Variants in AKT2 observed in about 807,000 individuals in gnomAD.
AKT2 encodes RAC-beta serine/threonine-protein kinase.
Under a neutral mutation model 58.6 loss-of-function variants are expected in AKT2, and 16 were observed. The ratio of observed to expected loss-of-function variants is 0.27; its 90% confidence interval spans 0.18 to 0.41. The LOEUF is 0.41. AKT2 is among the 10% of genes least tolerant of loss of function. The probability of loss-of-function intolerance (pLI) is 1.00; values close to 1 mark genes in which losing one functional copy is unlikely to be tolerated. For missense variants in AKT2, 438 were observed against 661.0 expected (o/e 0.66, Z 3.70); for synonymous variants, 253 against 254.0 (o/e 1.00, Z 0.04).
At chr19:40,275,775 G>T (rs1374695117) in intron 1 of AKT2, among the ~76,000 whole-genome samples, 1 of 95,880 alleles carries the variant, frequency 1.0e-5, no homozygotes, top group Non-Finnish European at 2.3e-5. Flanking sequence ...GGGGGGGGGG[G>T]GGGTGGGCGG....
At chr19:40,250,338 T>A (rs1400425728) in intron 4 of AKT2, among the ~76,000 whole-genome samples, 2 of 151,404 alleles carry the variant, frequency 1.3e-5, no homozygotes, top group Non-Finnish European at 2.9e-5. Context: ...ACCCCATCTC[T>A]ACTAAAAATA....
chr19:40,245,840 C>A (rs1300074733), intron 4 of AKT2, among the ~76,000 whole-genome samples: 3 of 152,190 alleles, frequency 2.0e-5, no homozygotes, highest in Admixed American at 2.0e-4. Flanking sequence ...TCAGTAGATA[C>A]TTGGGTAATG....
chr19:40,271,047 C>A (rs569708630), intron 1 of AKT2, among the ~76,000 whole-genome samples: 16 of 147,896 alleles, frequency 1.1e-4, no homozygotes, highest in East Asian at 8.0e-4. Context: ...AACAAACAAA[C>A]AAAAAAAGCT....
At chr19:40,277,239 A>G (rs1359495909) in intron 1 of AKT2, among the ~76,000 whole-genome samples, 1 of 152,178 alleles carries the variant, frequency 6.6e-6, no homozygotes. Flanking sequence ...TTGGTTCTAA[A>G]GGAATCATCC....
In AKT2 at chr19:40,273,041, G is replaced by GT. The variant is rs201022964; in HGVS notation, c.-84-7691dup. 5.8e-3 allele frequency among the ~76,000 whole-genome samples: 882 copies of GT among 152,248 alleles called. 11 individuals carry two copies. The highest frequency in any genetic ancestry group is 0.02 in the African/African-American group (835 of 41,548). On this transcript the variant is annotated intron_variant, in intron 1 of 13. Coordinates refer to ENST00000392038, the MANE Select transcript of AKT2 (RefSeq NM_001626.6). ...GCCTGTAAGAGCAACTGCTCAACACGTATCAAATATTATCATCACTGGCCA... is the reference window on the plus strand; with the variant it reads ...GCCTGTAAGAGCAACTGCTCAACACGTTATCAAATATTATCATCACTGGCCA...
chr19:40,253,254 T>C (rs1975296212), intron 4 of AKT2, among the ~76,000 whole-genome samples: 1 of 152,212 alleles, frequency 6.6e-6, no homozygotes, highest in African/African-American at 2.4e-5. Flanking sequence ...GGAAGTTTTC[T>C]TGGACGGCAT....
At position 40,235,224 on chromosome 19, in the gene AKT2, G is replaced by A; in HGVS notation, c.1263+39C>T. ...ACCAAGGTCACCACGAGTGGGCCAG[G>A]TCCCTGAGGGTCCTGCTGGGGCAAG... On this transcript the variant is annotated intron_variant, in intron 12 of 13. Coordinates refer to ENST00000392038, the MANE Select transcript of AKT2 (RefSeq NM_001626.6). The surrounding 1 kb of genome is among the most constrained non-coding windows in gnomAD (Gnocchi z 6.3). The A allele has an allele frequency of 1.2e-6, 2 of 1,613,780 alleles. No homozygotes were observed. Among genetic ancestry groups the A allele is most frequent in the Non-Finnish European group, 1.7e-6 (2 of 1,179,742 alleles).
intron 4 of AKT2, among the ~76,000 whole-genome samples, chr19:40,251,785 C>G (rs911909431): frequency 2.0e-5 from 3 of 152,170 alleles, no homozygotes; most frequent in African/African-American, 7.2e-5. Flanking sequence ...TCAGGCGTGA[C>G]AGCATCATGA....
chr19:40,275,451 A>C (rs1396854119), intron 1 of AKT2: 1 of 386,360 alleles, frequency 2.6e-6, no homozygotes, highest in Non-Finnish European at 5.3e-6. Flanking sequence ...GGCATGGATT[A>C]ATGTTCATCT....
intron 1 of AKT2, among the ~76,000 whole-genome samples, chr19:40,267,534 G>A (rs1053225859): frequency 6.6e-6 from 1 of 152,144 alleles, no homozygotes; most frequent in Non-Finnish European, 1.5e-5. Flanking sequence ...CCACCTCAGA[G>A]GCTGCACTGT....
At chr19:40,241,488 T>A (rs1245407454) in intron 6 of AKT2, 1 of 267,028 alleles carries the variant, frequency 3.7e-6, no homozygotes, top group African/African-American at 2.2e-5. Context: ...AATGGCTACA[T>A]GGGGGTCCGT....
rs569606025 is a variant in AKT2 at position 40,233,561 on chromosome 19, G to A, written c.*311C>T. 119 of 671,856 alleles carry A rather than the reference G, an allele frequency of 1.8e-4. No individual in the cohort carries two copies. The highest frequency in any genetic ancestry group is 1.4e-3 in the East Asian group (47 of 34,098). The allele number at this position is 671,856 out of a possible 1,614,324, so 41.6% of individuals were successfully genotyped here. ...CCAGAAACTCAGGCAGGCCCCAGGC[G>A]CCATGCTTCACCCCTCACTGGGGCT... On this transcript the variant is annotated 3_prime_UTR_variant, in exon 14 of 14. Transcript: ENST00000392038. This position sits in a 1 kb window ranked among gnomAD's most constrained non-coding sequence, Gnocchi z 4.3.
At position 40,232,680 on chromosome 19, in the gene AKT2, CCA is replaced by C. The variant is rs902067185; in HGVS notation, c.*1190_*1191del. On this transcript the variant is annotated 3_prime_UTR_variant, in exon 14 of 14. Transcript: ENST00000392038. Reference sequence around the variant, plus strand: ...CTCGGGCCAGGGATGGGGCCCAAGCCCACACACCATGCACACTGGAGGACACG... The same window carrying C: ...CTCGGGCCAGGGATGGGGCCCAAGCCCACACCATGCACACTGGAGGACACG... The C allele has an allele frequency of 2.6e-5, 6 of 233,436 alleles. No homozygotes were observed. Among genetic ancestry groups the C allele is most frequent in the African/African-American group, 1.3e-4 (6 of 45,334 alleles). 14.5% of individuals were successfully genotyped at this position (233,436 alleles called of 1,614,324 possible).
At chr19:40,276,385 G>T (rs1362688783) in intron 1 of AKT2, among the ~76,000 whole-genome samples, 36 of 50,694 alleles carry the variant, frequency 7.1e-4, no homozygotes, top group Non-Finnish European at 1.0e-3. Context: ...TTTTTTTTTT[G>T]AGACAGAGTC....
At chr19:40,255,361 G>T in intron 3 of AKT2, 92 bp from the exon 4 acceptor site, 1 of 1,003,054 alleles carries the variant, frequency 1.0e-6, no homozygotes, top group Non-Finnish European at 1.6e-6. Flanking sequence ...CACAGGCCTA[G>T]CCCCATGCTA....
At chr19:40,263,718 T>C (rs989224925) in intron 2 of AKT2, among the ~76,000 whole-genome samples, 1 of 152,166 alleles carries the variant, frequency 6.6e-6, no homozygotes, top group Admixed American at 6.5e-5. Context: ...CGTCCATCCC[T>C]CATCGCTGCT....
At chr19:40,279,652 C>CAA (rs5828063) in intron 1 of AKT2, 50,540 of 113,354 alleles carry the variant, frequency 0.45, 10,916 homozygotes, top group South Asian at 0.63. Context: ...GAACACACCT[C>CAA]AAAAAAAAAA....
chr19:40,271,638 G>A (rs905086448), intron 1 of AKT2, among the ~76,000 whole-genome samples: 1 of 152,160 alleles, frequency 6.6e-6, no homozygotes, highest in African/African-American at 2.4e-5. Context: ...AGTGGAAAAT[G>A]TACATGTGCT....
Position 40,235,449 on chromosome 19 carries a change from C to A in AKT2, c.1176-99G>T. The A allele has an allele frequency of 9.5e-7, 1 of 1,055,384 alleles. No homozygotes were observed. The highest frequency in any genetic ancestry group is 1.3e-5 in the South Asian group (1 of 77,950). The allele number at this position is 1,055,384 out of a possible 1,614,324, so 65.4% of individuals were successfully genotyped here. ...AGGCCCTGTATGGCCCTTAATGATT[C>A]TGTCTTGACCACAAACCACTTCACA... is the stretch of plus-strand genomic sequence containing the variant. On this transcript the variant is annotated intron_variant, in intron 11 of 13. Transcript: ENST00000392038. The surrounding 1 kb of genome is among the most constrained non-coding windows in gnomAD (Gnocchi z 6.3).
Sources: gnomAD v4.1 joint callset for allele counts (sites outside exome capture counted in the v4.1 genomes callset) on GRCh38, gnomAD v4.1.1 for gene constraint, Gnocchi (gnomAD v3.1) non-coding constraint, MANE v1.5 for transcripts, NCBI Gene and HGNC (gene_info 2026-07-23, HGNC 2026-07-21) for gene names.